GALNT12: variants seen among roughly 807,000 people sequenced by gnomAD.
The protein encoded by GALNT12 is UDP-GalNAc:polypeptide N-acetylgalactosaminyltransferase 12.
GALNT12 carries 45 observed loss-of-function variants against 55.5 expected under a neutral mutation model. That is an observed-to-expected ratio of 0.81 (90% CI 0.64 to 1.04). GALNT12 has a LOEUF of 1.04. Among genes scored for constraint, GALNT12 ranks in the 50% least tolerant of loss-of-function variants. The pLI, the probability that GALNT12 is intolerant of heterozygous loss-of-function variation, is 0.00. For synonymous variants in GALNT12, 304 were observed against 312.2 expected (o/e 0.97, Z 0.28); for missense variants, 709 against 754.8 (o/e 0.94, Z 0.71).
intron 6 of GALNT12, 104 bp from the exon 7 acceptor site, chr9:98,839,898 C>T: frequency 7.0e-7 from 1 of 1,427,102 alleles, no homozygotes; most frequent in Admixed American, 1.7e-5. Context: ...ACGAATGCTC[C>T]ATCAAAGCTG....
chr9:98,837,788 A>T (rs1407505), intron 6 of GALNT12, among the ~76,000 whole-genome samples: 2 of 151,990 alleles, frequency 1.3e-5, no homozygotes, highest in Admixed American at 1.3e-4. Context: ...CCCTTGTTAT[A>T]TATCACCTGG....
At chr9:98,840,218 C>A in intron 7 of GALNT12, 85 bp downstream of exon 7, 1 of 1,552,128 alleles carries the variant, frequency 6.4e-7, no homozygotes, top group Non-Finnish European at 8.8e-7. Flanking sequence ...AGAAAGGCCA[C>A]GTCATGGGGA....
At chr9:98,829,318 A>C (rs566006782) in intron 3 of GALNT12, among the ~76,000 whole-genome samples, 1 of 151,770 alleles carries the variant, frequency 6.6e-6, no homozygotes, top group South Asian at 2.1e-4. Flanking sequence ...CCTCCTGAGT[A>C]GCTGGGATTA....
At chr9:98,824,287 C>A (rs1188646991) in intron 2 of GALNT12, among the ~76,000 whole-genome samples, 1 of 152,122 alleles carries the variant, frequency 6.6e-6, no homozygotes, top group Non-Finnish European at 1.5e-5. Context: ...GGCCTCAGCT[C>A]CTTCTGCACC....
chr9:98,836,409 T>C (rs967546829), intron 5 of GALNT12, among the ~76,000 whole-genome samples: 2 of 152,204 alleles, frequency 1.3e-5, no homozygotes, highest in African/African-American at 4.8e-5. Context: ...TACCAGATGC[T>C]GTGCTTGGTT....
intron 1 of GALNT12, among the ~76,000 whole-genome samples, chr9:98,811,723 C>T (rs1835499919): frequency 7.2e-6 from 1 of 138,618 alleles, no homozygotes; most frequent in African/African-American, 2.7e-5. Context: ...TGCTATGTTG[C>T]CCAGGCTGGA....
At chr9:98,829,558 G>A (rs2118398623) in intron 3 of GALNT12, among the ~76,000 whole-genome samples, 1 of 151,844 alleles carries the variant, frequency 6.6e-6, no homozygotes, top group East Asian at 1.9e-4. Flanking sequence ...GCTAGCAACT[G>A]GTACGTCTTA....
At chr9:98,841,867 G>A (rs1295792548) in intron 7 of GALNT12, among the ~76,000 whole-genome samples, 1 of 151,350 alleles carries the variant, frequency 6.6e-6, no homozygotes, top group Non-Finnish European at 1.5e-5. Flanking sequence ...TAGCAGAGAC[G>A]GGGTTTCACT....
intron 2 of GALNT12, among the ~76,000 whole-genome samples, chr9:98,825,974 C>CA (rs58512059): frequency 0.11 from 15,646 of 136,258 alleles, 899 homozygotes; most frequent in Middle Eastern, 0.24. Flanking sequence ...GACCCTGTCT[C>CA]AAAAAAAAAA....
chr9:98,832,929 ACTTT>A (rs1836037890), intron 4 of GALNT12, among the ~76,000 whole-genome samples: 1 of 152,146 alleles, frequency 6.6e-6, no homozygotes, highest in Non-Finnish European at 1.5e-5. Context: ...ACATCGGTGT[ACTTT>A]TATCTGCTTG....
chr9:98,846,434 C>A (rs1457281185), intron 9 of GALNT12, among the ~76,000 whole-genome samples: 1 of 152,188 alleles, frequency 6.6e-6, no homozygotes, highest in Non-Finnish European at 1.5e-5. Flanking sequence ...ACAGCTCTTA[C>A]AAATGCATTC....
At chr9:98,839,894 G>C in intron 6 of GALNT12, 108 bp from the exon 7 acceptor site, 1 of 1,379,548 alleles carries the variant, frequency 7.2e-7, no homozygotes, top group Non-Finnish European at 1.0e-6. Context: ...TGCGACGAAT[G>C]CTCCATCAAA....
At chr9:98,821,623 T>TAAAAAAAAAAAAAAAA (rs1251064570) in intron 1 of GALNT12, among the ~76,000 whole-genome samples, 1 of 11,822 alleles carries the variant, frequency 8.5e-5, no homozygotes, top group Non-Finnish European at 3.0e-4. Context: ...AGACTCCATC[T>TAAAAAAAAAAAAAAAA]CAAAAAAAAA....
rs562163312 is a variant in GALNT12 at position 98,808,590 on chromosome 9, C to T, written c.371+521C>T. 8.1e-4 allele frequency among the ~76,000 whole-genome samples: 123 copies of T among 152,328 alleles called. 1 individual carries two copies. Among genetic ancestry groups the T allele is most frequent in the African/African-American group, 2.9e-3 (119 of 41,570 alleles). On this transcript the variant is annotated intron_variant, in intron 1 of 9. Transcript: ENST00000375011. ...CGCTAGAAAGCCTCCTTGTGCTCTC[C>T]CTGGGCATTGGATTTCTGAGCTTTG...
At chr9:98,812,682 G>C (rs576314448) in intron 1 of GALNT12, among the ~76,000 whole-genome samples, 90 of 152,290 alleles carry the variant, frequency 5.9e-4, no homozygotes, top group Non-Finnish European at 1.2e-3. Flanking sequence ...TTTTGGATTT[G>C]ATAGTGCTGT....
In GALNT12 at chr9:98,836,996, G is replaced by T. The variant is rs1836168508; in HGVS notation, c.1060G>T (p.Glu354Ter). Residue 354 changes from glutamate (E) to a stop codon, truncating the protein, a stop_gained, in exon 6 of 10, where the codon GAA (glutamate) becomes TAA (stop). Coordinates refer to ENST00000375011, the MANE Select transcript of GALNT12 (RefSeq NM_024642.5). LOFTEE classifies it high-confidence loss of function. ...GATCTGGCAGTGTGGTGGGGTTCTG[G>T]AAACACACCCATGTTCCCATGTTGG... ...FRIWQCGGVL[E>*]THPCSHVGHV... 6.2e-7 allele frequency: 1 copy of T among 1,613,934 alleles called. No homozygotes were observed. Among genetic ancestry groups the T allele is most frequent in the Admixed American group, 1.7e-5 (1 of 59,988 alleles).
intron 7 of GALNT12, among the ~76,000 whole-genome samples, chr9:98,843,259 A>C (rs529445253): frequency 6.6e-6 from 1 of 152,210 alleles, no homozygotes; most frequent in South Asian, 2.1e-4. Context: ...AAATAGTTTC[A>C]AGATAATTAA....
intron 1 of GALNT12, among the ~76,000 whole-genome samples, chr9:98,814,616 A>G (rs968937244): frequency 1.3e-5 from 2 of 151,990 alleles, no homozygotes; most frequent in Non-Finnish European, 2.9e-5. Flanking sequence ...AGGCTGAGGC[A>G]GGAGAATTGC....
In GALNT12 at chr9:98,840,015, A is replaced by G; in HGVS notation, c.1226A>G (p.Asp409Gly). The change falls in exon 7 of 10, where the codon GAT becomes GGT. Residue 409 changes from aspartate to glycine, a missense_variant. Physicochemically the swap from Asp to Gly is moderately conservative, Grantham distance 94. Coordinates refer to ENST00000375011, the MANE Select transcript of GALNT12 (RefSeq NM_024642.5). Reference sequence around the variant, plus strand: ...TTGTTTTCTCAGGAACCTTTTGGGGATGTGACAGAGAGGAAGCAGCTCCGG... The same window carrying G: ...TTGTTTTCTCAGGAACCTTTTGGGGGTGTGACAGAGAGGAAGCAGCTCCGG... Reference protein sequence around the residue: ...NPRARLEPFGDVTERKQLRDK... With the variant: ...NPRARLEPFGGVTERKQLRDK... The G allele has an allele frequency of 6.2e-7, 1 of 1,614,088 alleles. No individual in the cohort carries two copies. The highest frequency in any genetic ancestry group is 1.1e-5 in the South Asian group (1 of 91,072).
Sources: allele counts gnomAD v4.1 joint callset (sites outside exome capture counted in the v4.1 genomes callset), GRCh38; gene constraint gnomAD v4.1.1; transcripts MANE v1.5; gene names NCBI Gene and HGNC (gene_info 2026-07-23, HGNC 2026-07-21).